The following KCNF1 variants were observed in gnomAD, a reference collection of about 807,000 sequenced individuals.
The protein encoded by KCNF1 is voltage-gated potassium channel regulatory subunit KCNF1.
A neutral mutation model predicts 28.6 loss-of-function variants in KCNF1; 9 were observed. That is an observed-to-expected ratio of 0.31 (90% CI 0.19 to 0.55). The LOEUF is 0.55. Ranked by LOEUF, KCNF1 falls within the 20% of genes least tolerant of loss-of-function variation. The probability of loss-of-function intolerance (pLI) is 0.93; values close to 1 mark genes in which losing one functional copy is unlikely to be tolerated. For missense variants in KCNF1, 461 were observed against 684.2 expected (o/e 0.67, Z 3.64); for synonymous variants, 328 against 299.6 (o/e 1.09, Z -0.98).
chr2:10,913,855 A>G lies in KCNF1; in HGVS notation c.1429A>G (p.Ile477Val), dbSNP rs747988017. 6.5e-7 allele frequency: 1 copy of G among 1,536,486 alleles called. No homozygotes were observed. The highest frequency in any genetic ancestry group is 2.1e-5 in the Admixed American group (1 of 48,528). Residue 477 changes from isoleucine to valine, a missense_variant, in exon 1 of 1, where the codon ATC becomes GTC. Around this residue, in one of 4 missense-constraint regions of KCNF1, gnomAD observed 101 missense variants for 102.2 expected, o/e 0.99. Coordinates refer to ENST00000295082, the MANE Select transcript of KCNF1 (RefSeq NM_002236.5). The surrounding 1 kb of genome is among the most constrained non-coding windows in gnomAD (Gnocchi z 5.5). Reference sequence around the variant, plus strand: ...GAAGCTCTCCCACAGCGACACCTTCATCCCCCTCCTGACCGAGGAGAAGCA... The same window carrying G: ...GAAGCTCTCCCACAGCGACACCTTCGTCCCCCTCCTGACCGAGGAGAAGCA... ...RLKLSHSDTF[I>V]PLLTEEKHHR... is the part of the protein sequence containing the mutation.
rs1043046309 is a variant in KCNF1, at chr2:10,912,494, T to A, written c.68T>A (p.Ile23Lys). 1 of 1,575,576 alleles carries A rather than the reference T, an allele frequency of 6.3e-7. No homozygotes were observed. The change falls in exon 1 of 1, where the codon ATA becomes AAA. Residue 23 changes from isoleucine to lysine, a missense_variant. Physicochemically the swap from Ile to Lys is moderately radical, Grantham distance 102. Coordinates refer to ENST00000295082, the MANE Select transcript of KCNF1 (RefSeq NM_002236.5). The surrounding 1 kb of genome is among the most constrained non-coding windows in gnomAD (Gnocchi z 7.9). ...CAGAGCTCCGCTGCCAGCGACGACA[T>A]AGAGATAGTCGTCAACGTGGGGGGC... ...GSQSSAASDD[I>K]EIVVNVGGVR...
Position 10,912,497 on chromosome 2 carries a change from A to T in KCNF1, c.71A>T (p.Glu24Val). 1 of 1,583,418 alleles carries T rather than the reference A, an allele frequency of 6.3e-7. No homozygotes were observed. The stretch of plus-strand genomic sequence containing the variant: ...AGCTCCGCTGCCAGCGACGACATAG[A>T]GATAGTCGTCAACGTGGGGGGCGTG... ...SQSSAASDDIEIVVNVGGVRQ... is the reference protein window; with the variant it reads ...SQSSAASDDIVIVVNVGGVRQ... The change falls in exon 1 of 1, where the codon GAG (glutamate) becomes GTG (valine). Residue 24 changes from glutamate (E) to valine (V), a missense_variant. Coordinates refer to ENST00000295082, the MANE Select transcript of KCNF1 (RefSeq NM_002236.5). The surrounding 1 kb of genome is among the most constrained non-coding windows in gnomAD (Gnocchi z 7.9).
Position 10,914,136 on chromosome 2 carries a change from G to T in KCNF1, c.*225G>T. On this transcript the variant is annotated 3_prime_UTR_variant, in exon 1 of 1. Coordinates refer to ENST00000295082, the MANE Select transcript of KCNF1 (RefSeq NM_002236.5). ...AGGGGTGTGCAGGAGCCGCAGGGCC[G>T]TGTGGGACGAGTGGAGGCCGCGGCC... The T allele has an allele frequency of 2.1e-6, 1 of 483,086 alleles. No individual in the cohort carries two copies. The allele number at this position is 483,086 out of a possible 1,614,324, so 29.9% of individuals were successfully genotyped here.
chr2:10,912,081 C>T lies in KCNF1; in HGVS notation c.-346C>T, dbSNP rs542276479. 1 of 151,856 alleles carries T rather than the reference C, an allele frequency of 6.6e-6. No homozygotes were observed. The highest frequency in any genetic ancestry group is 1.9e-4 in the East Asian group (1 of 5,134). The allele number at this position is 151,856 out of a possible 1,614,324, so 9.4% of individuals were successfully genotyped here. On this transcript the variant is annotated 5_prime_UTR_variant, in exon 1 of 1. Coordinates refer to ENST00000295082, the MANE Select transcript of KCNF1 (RefSeq NM_002236.5). The surrounding 1 kb of genome is among the most constrained non-coding windows in gnomAD (Gnocchi z 7.9). The stretch of plus-strand genomic sequence containing the variant: ...CGGGGCGGAGGACGGTGCCAGCCGC[C>T]CACGAGGAGACCCCGCTCCCGCAGG...
Position 10,913,340 on chromosome 2 carries a change from G to A in KCNF1, c.914G>A (p.Arg305His). ...ATCGCGCGCATCTTCAAGCTGGCCC[G>A]CCACTCCTCGGGCCTGCAGACCCTC... ...MRIARIFKLA[R>H]HSSGLQTLTY... Residue 305 changes from arginine (R) to histidine (H), a missense_variant, in exon 1 of 1, where the codon CGC becomes CAC. Transcript: ENST00000295082. This position sits in a 1 kb window ranked among gnomAD's most constrained non-coding sequence, Gnocchi z 5.5. The A allele has an allele frequency of 6.2e-7, 1 of 1,613,670 alleles. No homozygotes were observed. The highest frequency in any genetic ancestry group is 8.5e-7 in the Non-Finnish European group (1 of 1,179,928).
At position 10,912,852 on chromosome 2, in the gene KCNF1, G is replaced by T. The variant is rs766410972; in HGVS notation, c.426G>T (p.Ala142=). 6.2e-7 allele frequency: 1 copy of T among 1,613,556 alleles called. No individual in the cohort carries two copies. Residue 142 remains alanine (A), a synonymous_variant, in exon 1 of 1, where the codon GCG becomes GCT. Transcript: ENST00000295082. The surrounding 1 kb of genome is among the most constrained non-coding windows in gnomAD (Gnocchi z 7.9). ...SEKREELEEI[A]RRVQLILDDL... The stretch of plus-strand genomic sequence containing the variant: ...AGCGCGAGGAGCTGGAGGAGATCGC[G>T]CGCCGCGTGCAGCTCATCCTGGACG...
Position 10,913,470 on chromosome 2 carries a change from C to A in KCNF1, c.1044C>A (p.Ser348Arg), listed in dbSNP as rs1211697868. Reference sequence around the variant, plus strand: ...CCCTGGGCTACACCATGGAGCAGAGCCATCCAGAGACCCTGTTTAAGAGCA... The same window carrying A: ...CCCTGGGCTACACCATGGAGCAGAGACATCCAGAGACCCTGTTTAAGAGCA... ...FSALGYTMEQ[S>R]HPETLFKSIP... The change falls in exon 1 of 1, where the codon AGC becomes AGA. Residue 348 changes from serine (S) to arginine (R), a missense_variant. Around this residue, in one of 4 missense-constraint regions of KCNF1, gnomAD observed 115 missense variants for 261.6 expected, o/e 0.44. Coordinates refer to ENST00000295082, the MANE Select transcript of KCNF1 (RefSeq NM_002236.5). This position sits in a 1 kb window ranked among gnomAD's most constrained non-coding sequence, Gnocchi z 5.5. 6.2e-7 allele frequency: 1 copy of A among 1,614,056 alleles called. No individual in the cohort carries two copies. Among genetic ancestry groups the A allele is most frequent in the Non-Finnish European group, 8.5e-7 (1 of 1,180,044 alleles).
At position 10,913,926 on chromosome 2, in the gene KCNF1, A is replaced by G. The variant is rs766348577; in HGVS notation, c.*15A>G. 1.2e-4 allele frequency: 179 copies of G among 1,519,420 alleles called. 1 individual carries two copies. The Middle Eastern group carries it at 2.0e-3, about 17-fold the overall frequency. The allele number at this position is 1,519,420 out of a possible 1,614,324, so 94.1% of individuals were successfully genotyped here. On this transcript the variant is annotated 3_prime_UTR_variant, in exon 1 of 1. Transcript: ENST00000295082. The surrounding 1 kb of genome is among the most constrained non-coding windows in gnomAD (Gnocchi z 5.5). ...GTTGCAAGTGACAGGAGGGCCCCTC[A>G]GGCAGAGATGGACCAGGCGGTGGAC...
rs1233771077 is a variant in KCNF1 at position 10,912,316 on chromosome 2, G to C, written c.-111G>C. ...CTTCCCCGCAGGCGGGCGCCGGCCAGGCTCTCCCCGAGATCAGCGCACGGG... is the reference window on the plus strand; with the variant it reads ...CTTCCCCGCAGGCGGGCGCCGGCCACGCTCTCCCCGAGATCAGCGCACGGG... On this transcript the variant is annotated 5_prime_UTR_variant, in exon 1 of 1. Transcript: ENST00000295082. This position sits in a 1 kb window ranked among gnomAD's most constrained non-coding sequence, Gnocchi z 7.9. 1.1e-5 allele frequency: 10 copies of C among 893,702 alleles called. No individual in the cohort carries two copies. The highest frequency in any genetic ancestry group is 1.4e-5 in the Non-Finnish European group (10 of 696,598). 55.4% of individuals were successfully genotyped at this position (893,702 alleles called of 1,614,324 possible).
At position 10,913,538 on chromosome 2, in the gene KCNF1, T is replaced by C; in HGVS notation, c.1112T>C (p.Val371Ala). The C allele has an allele frequency of 6.2e-7, 1 of 1,613,926 alleles. No homozygotes were observed. The highest frequency in any genetic ancestry group is 8.5e-7 in the Non-Finnish European group (1 of 1,180,018). Reference sequence around the variant, plus strand: ...TGGGCCATCATCACCATGACCACCGTCGGCTACGGCGACATCTACCCCAAG... The same window carrying C: ...TGGGCCATCATCACCATGACCACCGCCGGCTACGGCGACATCTACCCCAAG... Reference protein sequence around the residue: ...FWWAIITMTTVGYGDIYPKTT... With the variant: ...FWWAIITMTTAGYGDIYPKTT... Residue 371 changes from valine to alanine, a missense_variant, in exon 1 of 1, where the codon GTC (valine) becomes GCC (alanine). Val to Ala is a moderately conservative substitution (Grantham distance 64). Coordinates refer to ENST00000295082, the MANE Select transcript of KCNF1 (RefSeq NM_002236.5). The surrounding 1 kb of genome is among the most constrained non-coding windows in gnomAD (Gnocchi z 5.5).
rs1019222182 is a variant in KCNF1, at chr2:10,914,047, G to A, written c.*136G>A. The A allele has an allele frequency of 1.2e-5, 12 of 1,022,178 alleles. No individual in the cohort carries two copies. The highest frequency in any genetic ancestry group is 6.9e-5 in the South Asian group (3 of 43,630). 63.3% of individuals were successfully genotyped at this position (1,022,178 alleles called of 1,614,324 possible). A position where few individuals can be genotyped will look rare whatever the true frequency, so the allele number is the denominator to read the frequency against. ...CTGGACAGACTCTGAAGGCCCTCCC[G>A]GCACCTCTGCCAAGGCTGGGTAAGA... On this transcript the variant is annotated 3_prime_UTR_variant, in exon 1 of 1. Transcript: ENST00000295082.
Position 10,913,546 on chromosome 2 carries a change from G to A in KCNF1, c.1120G>A (p.Gly374Ser). The change falls in exon 1 of 1, where the codon GGC (glycine) becomes AGC (serine). Residue 374 changes from glycine (G) to serine (S), a missense_variant. Gly to Ser is a moderately conservative substitution (Grantham distance 56, BLOSUM62 0). This residue lies in a region of KCNF1 where 115 missense variants were observed against 261.6 expected (regional missense o/e 0.44). Coordinates refer to ENST00000295082, the MANE Select transcript of KCNF1 (RefSeq NM_002236.5). This position sits in a 1 kb window ranked among gnomAD's most constrained non-coding sequence, Gnocchi z 5.5. ...CATCACCATGACCACCGTCGGCTAC[G>A]GCGACATCTACCCCAAGACCACGCT... Reference protein sequence around the residue: ...AIITMTTVGYGDIYPKTTLGK... With the variant: ...AIITMTTVGYSDIYPKTTLGK... 1 of 1,613,750 alleles carries A rather than the reference G, an allele frequency of 6.2e-7. No individual in the cohort carries two copies. Among genetic ancestry groups the A allele is most frequent in the Non-Finnish European group, 8.5e-7 (1 of 1,180,024 alleles).
rs3732105 is a variant in KCNF1 at position 10,913,614 on chromosome 2, C to A, written c.1188C>A (p.Ile396=). The change falls in exon 1 of 1, where the codon ATC becomes ATA. Residue 396 remains isoleucine, a synonymous_variant. Transcript: ENST00000295082. The surrounding 1 kb of genome is among the most constrained non-coding windows in gnomAD (Gnocchi z 5.5). ...NAAISFLCGV[I]AIALPIHPII... Reference sequence around the variant, plus strand: ...CCATCAGCTTCTTGTGTGGTGTCATCGCCATCGCCCTGCCCATCCACCCCA... The same window carrying A: ...CCATCAGCTTCTTGTGTGGTGTCATAGCCATCGCCCTGCCCATCCACCCCA... 1 of 1,612,874 alleles carries A rather than the reference C, an allele frequency of 6.2e-7. No homozygotes were observed. The highest frequency in any genetic ancestry group is 8.5e-7 in the Non-Finnish European group (1 of 1,179,914).
chr2:10,912,697 G>C lies in KCNF1; in HGVS notation c.271G>C (p.Glu91Gln). The change falls in exon 1 of 1, where the codon GAG becomes CAG. Residue 91 changes from glutamate to glutamine, a missense_variant. Coordinates refer to ENST00000295082, the MANE Select transcript of KCNF1 (RefSeq NM_002236.5). The surrounding 1 kb of genome is among the most constrained non-coding windows in gnomAD (Gnocchi z 7.9). ...RDPDAFKCVI[E>Q]VYYFGEVHMK... ...CCCGGACGCCTTCAAGTGTGTCATC[G>C]AGGTGTACTATTTCGGGGAGGTCCA... is the stretch of plus-strand genomic sequence containing the variant. 6.2e-7 allele frequency: 1 copy of C among 1,614,118 alleles called. No individual in the cohort carries two copies. The highest frequency in any genetic ancestry group is 8.5e-7 in the Non-Finnish European group (1 of 1,180,018).
Position 10,912,397 on chromosome 2 carries a change from G to A in KCNF1, c.-30G>A, listed in dbSNP as rs1287594461. On this transcript the variant is annotated 5_prime_UTR_variant, in exon 1 of 1. Coordinates refer to ENST00000295082, the MANE Select transcript of KCNF1 (RefSeq NM_002236.5). This position sits in a 1 kb window ranked among gnomAD's most constrained non-coding sequence, Gnocchi z 7.9. ...CGGCGGCGGCTGCAGGGGGCGCGGG[G>A]CGGAGGCTGCGAGGGCGCGCGCGGG... The A allele has an allele frequency of 1.9e-5, 23 of 1,242,282 alleles. No homozygotes were observed. The highest frequency in any genetic ancestry group is 2.1e-5 in the Non-Finnish European group (21 of 995,428). The allele number at this position is 1,242,282 out of a possible 1,614,324, so 77.0% of individuals were successfully genotyped here.
Position 10,913,002 on chromosome 2 carries a change from C to A in KCNF1, c.576C>A (p.Ile192=), listed in dbSNP as rs1384945553. 2 of 1,602,830 alleles carry A rather than the reference C, an allele frequency of 1.2e-6. No individual in the cohort carries two copies. Among genetic ancestry groups the A allele is most frequent in the African/African-American group, 2.7e-5 (2 of 74,952 alleles). The change falls in exon 1 of 1, where the codon ATC becomes ATA. Residue 192 remains isoleucine, a synonymous_variant. Transcript: ENST00000295082. The surrounding 1 kb of genome is among the most constrained non-coding windows in gnomAD (Gnocchi z 5.5). Reference sequence around the variant, plus strand: ...TGGCCGTGCTCTCCTTCCTGCTCATCCTCGTCTCGTCCGTGGTCATGTGCA... The same window carrying A: ...TGGCCGTGCTCTCCTTCCTGCTCATACTCGTCTCGTCCGTGGTCATGTGCA... ...RVVAVLSFLL[I]LVSSVVMCMG...
At position 10,914,160 on chromosome 2, in the gene KCNF1, C is replaced by G; in HGVS notation, c.*249C>G. The G allele has an allele frequency of 2.2e-6, 1 of 444,972 alleles. No homozygotes were observed. The highest frequency in any genetic ancestry group is 4.1e-6 in the Non-Finnish European group (1 of 246,262). 27.6% of individuals were successfully genotyped at this position (444,972 alleles called of 1,614,324 possible). Reference sequence around the variant, plus strand: ...CGTGTGGGACGAGTGGAGGCCGCGGCCTGGCTGGCACGAGAGCCCACGCCC... The same window carrying G: ...CGTGTGGGACGAGTGGAGGCCGCGGGCTGGCTGGCACGAGAGCCCACGCCC... On this transcript the variant is annotated 3_prime_UTR_variant, in exon 1 of 1. Transcript: ENST00000295082.
Position 10,913,117 on chromosome 2 carries a change from G to A in KCNF1, c.691G>A (p.Gly231Ser). 1.9e-6 allele frequency: 3 copies of A among 1,611,770 alleles called. No homozygotes were observed. Among genetic ancestry groups the A allele is most frequent in the Non-Finnish European group, 1.7e-6 (2 of 1,180,028 alleles). ...TLENVETACI[G>S]WFTLEYLLRL... is the part of the protein sequence containing the mutation. ...GGAGAACGTGGAGACGGCGTGCATTGGCTGGTTCACCCTGGAGTACCTGCT... is the reference window on the plus strand; with the variant it reads ...GGAGAACGTGGAGACGGCGTGCATTAGCTGGTTCACCCTGGAGTACCTGCT... The change falls in exon 1 of 1, where the codon GGC becomes AGC. Residue 231 changes from glycine to serine, a missense_variant. Gly to Ser is a moderately conservative substitution (Grantham distance 56). Transcript: ENST00000295082. This position sits in a 1 kb window ranked among gnomAD's most constrained non-coding sequence, Gnocchi z 5.5.
In KCNF1 at chr2:10,913,353, C is replaced by T; in HGVS notation, c.927C>T (p.Gly309=). Residue 309 remains glycine, a synonymous_variant, in exon 1 of 1, where the codon GGC becomes GGT. Transcript: ENST00000295082. This position sits in a 1 kb window ranked among gnomAD's most constrained non-coding sequence, Gnocchi z 5.5. ...TCAAGCTGGCCCGCCACTCCTCGGG[C>T]CTGCAGACCCTCACCTATGCCCTCA... is the stretch of plus-strand genomic sequence containing the variant. ...RIFKLARHSS[G]LQTLTYALKR... The T allele has an allele frequency of 6.2e-7, 1 of 1,613,876 alleles. No homozygotes were observed. Among genetic ancestry groups the T allele is most frequent in the Non-Finnish European group, 8.5e-7 (1 of 1,179,950 alleles).
Sources: allele counts gnomAD v4.1 joint callset, GRCh38; gene constraint gnomAD v4.1.1; regional missense constraint gnomAD v4.1.1; non-coding constraint Gnocchi (gnomAD v3.1); transcripts MANE v1.5; gene names NCBI Gene and HGNC (gene_info 2026-07-23, HGNC 2026-07-21).